OR4F17: variants seen among roughly 807,000 people sequenced by gnomAD.
The protein encoded by OR4F17 is olfactory receptor 4F17.
For synonymous variants in OR4F17, 1 was observed against 120.7 expected (o/e 0.01, Z 6.50); for missense variants, 1 against 323.6 (o/e 0.00, Z 7.65).
chr19:107,744 TTA>T (rs917851874), intron 2 of OR4F17, among the ~76,000 whole-genome samples, 189 bp downstream of exon 2: 11 of 132,460 alleles, frequency 8.3e-5, no homozygotes, highest in South Asian at 2.2e-4. Flanking sequence ...CATAAGGCAT[TTA>T]TATATATATA....
At chr19:108,411 G>A (rs2145136459) in intron 2 of OR4F17, among the ~76,000 whole-genome samples, 1 of 151,874 alleles carries the variant, frequency 6.6e-6, no homozygotes, top group South Asian at 2.1e-4. Flanking sequence ...TAAAAAGTCA[G>A]AAATGAGCTT....
chr19:109,887 C>G (rs1306870910), intron 2 of OR4F17, among the ~76,000 whole-genome samples: 1 of 152,176 alleles, frequency 6.6e-6, no homozygotes, highest in African/African-American at 2.4e-5. Context: ...ACAACCACAA[C>G]CTGCAGTTAT....
At chr19:107,895 AT>A (rs1331248858) in intron 2 of OR4F17, among the ~76,000 whole-genome samples, 7 of 66,700 alleles carry the variant, frequency 1.0e-4, no homozygotes, top group Non-Finnish European at 1.7e-4. Flanking sequence ...ATATTATATA[AT>A]ATAATATAAT....
chr19:109,944 T>A (rs1353269748), intron 2 of OR4F17, among the ~76,000 whole-genome samples: 37 of 151,990 alleles, frequency 2.4e-4, no homozygotes, highest in Non-Finnish European at 4.9e-4. Flanking sequence ...ATTTCCAAGC[T>A]CCCTCCCTTC....
chr19:109,097 C>T (rs1235775412), intron 2 of OR4F17, among the ~76,000 whole-genome samples: 4 of 152,060 alleles, frequency 2.6e-5, no homozygotes, highest in Admixed American at 1.3e-4. Flanking sequence ...TCATGTCTCC[C>T]GTGGAATGTT....
intron 2 of OR4F17, among the ~76,000 whole-genome samples, chr19:108,670 AAT>A (rs1158901935): frequency 1.3e-5 from 2 of 151,314 alleles, no homozygotes; most frequent in African/African-American, 2.4e-5. Context: ...ATTTTATGTC[AAT>A]GCATATTTAA....
At chr19:109,929 G>T (rs1434805958) in intron 2 of OR4F17, among the ~76,000 whole-genome samples, 1 of 152,122 alleles carries the variant, frequency 6.6e-6, no homozygotes, top group Non-Finnish European at 1.5e-5. Flanking sequence ...TAATTACTTG[G>T]CTTCATTTCC....
In OR4F17 at chr19:107,493, C is replaced by T. The variant is rs1968624282; in HGVS notation, c.-117C>T. The T allele has an allele frequency of 4.5e-6, 2 of 445,762 alleles. No homozygotes were observed. The highest frequency in any genetic ancestry group is 8.2e-5 in the East Asian group (1 of 12,190). 27.6% of individuals were successfully genotyped at this position (445,762 alleles called of 1,614,324 possible). The stretch of plus-strand genomic sequence containing the variant: ...CCCAGGTCCGGTGTTTTCTTACCCA[C>T]CTCCTTCCCTCCTTTTTATAATACC... On this transcript the variant is annotated 5_prime_UTR_variant, in exon 2 of 3. Transcript: ENST00000585993.
intron 2 of OR4F17, among the ~76,000 whole-genome samples, chr19:108,076 AATATATATTT>A: frequency 8.2e-6 from 1 of 121,836 alleles, no homozygotes; most frequent in Admixed American, 1.2e-4. Context: ...TATAGAATAT[AATATATATTT>A]TATTATATAA....
rs1358257061 is a variant in OR4F17, at chr19:108,101, TATTATA to T, written c.-55+547_-55+552del. ...AATATATATTTTATTATATAATATA[TATTATA>T]GAATATAATATATATTATATTTATA... On this transcript the variant is annotated intron_variant, in intron 2 of 2. Transcript: ENST00000585993. 4.7e-5 allele frequency among the ~76,000 whole-genome samples: 6 copies of T among 127,944 alleles called. No individual in the cohort carries two copies. The South Asian group carries it at 6.6e-4, about 14-fold the overall frequency. The allele number at this position is 127,944 out of a possible 152,430, so 83.9% of individuals were successfully genotyped here. A position where few individuals can be genotyped will look rare whatever the true frequency, so the allele number is the denominator to read the frequency against.
intron 2 of OR4F17, among the ~76,000 whole-genome samples, chr19:109,611 A>G (rs1968679766): frequency 1.5e-5 from 2 of 130,858 alleles, no homozygotes; most frequent in Admixed American, 8.5e-5. Context: ...TATATTGACC[A>G]TTACTATTTG....
intron 2 of OR4F17, among the ~76,000 whole-genome samples, chr19:108,091 ATAT>A (rs1968650627): frequency 8.4e-6 from 1 of 118,954 alleles, no homozygotes; most frequent in East Asian, 2.5e-4. Context: ...ATATTTTATT[ATAT>A]AATATATATT....
intron 2 of OR4F17, among the ~76,000 whole-genome samples, chr19:108,275 C>G (rs1968656480): frequency 6.7e-6 from 1 of 148,952 alleles, no homozygotes; most frequent in African/African-American, 2.4e-5. Context: ...TACCTGTCAA[C>G]AGTGGCTGGC....
chr19:107,889 TATATA>T (rs1458884267), intron 2 of OR4F17, among the ~76,000 whole-genome samples: 1 of 26,644 alleles, frequency 3.8e-5, no homozygotes, highest in Non-Finnish European at 6.0e-5. Context: ...TAATATATAT[TATATA>T]ATATAATATA....
In OR4F17 at chr19:110,606, TCTC is replaced by T. The variant is rs1968695975; in HGVS notation, c.-54-16_-54-14del. 3 of 1,247,994 alleles carry T rather than the reference TCTC, an allele frequency of 2.4e-6. No individual in the cohort carries two copies. The highest frequency in any genetic ancestry group is 1.7e-5 in the Admixed American group (1 of 58,018). 77.3% of individuals were successfully genotyped at this position (1,247,994 alleles called of 1,614,324 possible). A position where few individuals can be genotyped will look rare whatever the true frequency, so the allele number is the denominator to read the frequency against. ...TTGAATATAATAATTCTGACTTCCT[TCTC>T]CTTCTCTTCTTCAAGGTAACTGCAG... On this transcript the variant is annotated splice_polypyrimidine_tract_variant and intron_variant, in intron 2 of 2. Transcript: ENST00000585993.
intron 2 of OR4F17, among the ~76,000 whole-genome samples, chr19:109,861 C>T (rs1489311481): frequency 6.6e-6 from 1 of 152,104 alleles, no homozygotes; most frequent in African/African-American, 2.4e-5. Flanking sequence ...TCTTCATTCA[C>T]CCCTTTCCTG....
At chr19:108,032 GAATAT>G (rs1267943376) in intron 2 of OR4F17, among the ~76,000 whole-genome samples, 1 of 46,338 alleles carries the variant, frequency 2.2e-5, no homozygotes, top group East Asian at 6.0e-4. Flanking sequence ...ATATATTATA[GAATAT>G]AATATATATT....
intron 2 of OR4F17, among the ~76,000 whole-genome samples, chr19:109,925 C>G (rs1599954153): frequency 1.3e-5 from 2 of 152,270 alleles, no homozygotes; most frequent in Admixed American, 6.5e-5. Context: ...AAAATAATTA[C>G]TTGGCTTCAT....
At chr19:110,213 CT>C (rs1217464020) in intron 2 of OR4F17, among the ~76,000 whole-genome samples, 7 of 149,756 alleles carry the variant, frequency 4.7e-5, no homozygotes, top group African/African-American at 1.2e-4. Context: ...ATTATTTTTT[CT>C]TTTTTTCTAT....
Sources: gnomAD v4.1 joint callset for allele counts (sites outside exome capture counted in the v4.1 genomes callset) on GRCh38, gnomAD v4.1.1 for gene constraint, MANE v1.5 for transcripts, NCBI Gene and HGNC (gene_info 2026-07-23, HGNC 2026-07-21) for gene names.